SGSM3: variants seen among roughly 807,000 people sequenced by gnomAD.
SGSM3 encodes small G protein signaling modulator 3.
SGSM3 carries 96 observed loss-of-function variants against 100.5 expected under a neutral mutation model. The ratio of observed to expected loss-of-function variants is 0.96; its 90% CI spans 0.81 to 1.13. The LOEUF is 1.13. Ranked by LOEUF, SGSM3 falls within the 50% of genes most tolerant of loss-of-function variation. SGSM3 has a pLI of 0.00. For synonymous variants in SGSM3, 483 were observed against 422.8 expected, an observed-to-expected ratio of 1.14 and a Z score of -1.75; for missense variants, 1,001 against 1,015.8, an observed-to-expected ratio of 0.99 and a Z score of 0.20.
At chr22:40,382,764 G>T (rs1380541357) in intron 1 of SGSM3, among the ~76,000 whole-genome samples, 2 of 152,144 alleles carry the variant, frequency 1.3e-5, no homozygotes, top group South Asian at 4.1e-4. Context: ...GCCCATTTTT[G>T]GAAAATAGGA....
chr22:40,407,003 T>TCACA lies in SGSM3; in HGVS notation c.1186-13_1186-12insACAC, dbSNP rs1380699844. Reference sequence around the variant, plus strand: ...CGGGGCCAGGACCACCCTGACCCACTCCTCTTGGTGCAGGTTGTTCGCCGC... The same window carrying TCACA: ...CGGGGCCAGGACCACCCTGACCCACTCACACCTCTTGGTGCAGGTTGTTCGCCGC... On this transcript the variant is annotated splice_polypyrimidine_tract_variant and intron_variant, in intron 10 of 21. Coordinates refer to ENST00000248929, the MANE Select transcript of SGSM3 (RefSeq NM_015705.6). This position sits in a 1 kb window ranked among gnomAD's most constrained non-coding sequence, Gnocchi z 4.7. 6.4e-7 allele frequency: 1 copy of TCACA among 1,563,816 alleles called. No homozygotes were observed. The highest frequency in any genetic ancestry group is 1.4e-5 in the African/African-American group (1 of 73,672).
At chr22:40,379,477 C>A (rs28676471) in intron 1 of SGSM3, 5,165 of 152,322 alleles carry the variant, frequency 0.034, 134 homozygotes, top group Middle Eastern at 0.061. Context: ...CTGTGTAACA[C>A]AGCTAGTTAA....
intron 1 of SGSM3, chr22:40,376,272 T>A (rs1386756521): frequency 6.9e-6 from 1 of 144,500 alleles, no homozygotes; most frequent in African/African-American, 2.5e-5. Context: ...ACGGCTCTGC[T>A]GCTTGCTTCC....
intron 1 of SGSM3, among the ~76,000 whole-genome samples, chr22:40,375,002 T>C (rs979945255): frequency 2.0e-5 from 3 of 152,224 alleles, no homozygotes; most frequent in African/African-American, 4.8e-5. Context: ...ATGCTACATA[T>C]ATAATCACCT....
intron 20 of SGSM3, 21 bp downstream of exon 20, chr22:40,409,393 G>T (rs1193663739): frequency 9.5e-6 from 15 of 1,581,992 alleles, no homozygotes; most frequent in Middle Eastern, 1.7e-4. Context: ...TACTGGGCTT[G>T]GGGGATGGAG....
In SGSM3 at chr22:40,408,440, G is replaced by C; in HGVS notation, c.1782+11G>C. ...CTGTTTATCGAGGAGGTAAGTCAGT[G>C]GCTGGGCCCATGACCCCCACCCTGC... is the stretch of plus-strand genomic sequence containing the variant. On this transcript the variant is annotated intron_variant, in intron 16 of 21. Coordinates refer to ENST00000248929, the MANE Select transcript of SGSM3 (RefSeq NM_015705.6). 6.2e-7 allele frequency: 1 copy of C among 1,613,310 alleles called. No individual in the cohort carries two copies. Among genetic ancestry groups the C allele is most frequent in the Non-Finnish European group, 8.5e-7 (1 of 1,179,908 alleles).
chr22:40,405,990 C>T, intron 8 of SGSM3, 88 bp from the exon 9 acceptor site: 1 of 1,533,016 alleles, frequency 6.5e-7, no homozygotes, highest in Non-Finnish European at 8.9e-7. Flanking sequence ...CCCTCCTTTG[C>T]TCTTAAGCAG....
Position 40,407,991 on chromosome 22 carries a change from G to T in SGSM3, c.1580-80G>T, listed in dbSNP as rs1233567241. 5 of 1,521,612 alleles carry T rather than the reference G, an allele frequency of 3.3e-6. No homozygotes were observed. The highest frequency in any genetic ancestry group is 4.5e-6 in the Non-Finnish European group (5 of 1,110,896). 94.3% of individuals were successfully genotyped at this position (1,521,612 alleles called of 1,614,324 possible). ...GAAGCAGCTGAGCCGGCTTCCCACT[G>T]CCTCAGCCTGCCTGCAGGCTGTGTC... On this transcript the variant is annotated intron_variant, in intron 14 of 21. Coordinates refer to ENST00000248929, the MANE Select transcript of SGSM3 (RefSeq NM_015705.6). The surrounding 1 kb of genome is among the most constrained non-coding windows in gnomAD (Gnocchi z 4.7).
chr22:40,405,512 A>T, intron 7 of SGSM3, 137 bp from the exon 8 acceptor site: 1 of 908,536 alleles, frequency 1.1e-6, no homozygotes, highest in Non-Finnish European at 1.7e-6. Flanking sequence ...CAAGGAAAGC[A>T]GCCCAGGGAA....
At chr22:40,386,754 G>T (rs1258382794) in intron 1 of SGSM3, among the ~76,000 whole-genome samples, 1 of 151,382 alleles carries the variant, frequency 6.6e-6, no homozygotes, top group Non-Finnish European at 1.5e-5. Flanking sequence ...TATGAGAGAT[G>T]AACCCAAAGG....
At chr22:40,399,652 C>T (rs550111840) in intron 1 of SGSM3, among the ~76,000 whole-genome samples, 4 of 152,216 alleles carry the variant, frequency 2.6e-5, no homozygotes, top group Non-Finnish European at 5.9e-5. Flanking sequence ...AATATGTAAT[C>T]ATCCAGCTCA....
At chr22:40,389,242 CTG>C in intron 1 of SGSM3, among the ~76,000 whole-genome samples, 1 of 152,258 alleles carries the variant, frequency 6.6e-6, no homozygotes, top group East Asian at 1.9e-4. Flanking sequence ...CCCAGAGAGA[CTG>C]TGTGTTAAGG....
At chr22:40,386,562 CTTTTTTTTTTTTT>C (rs60319316) in intron 1 of SGSM3, among the ~76,000 whole-genome samples, 2 of 68,368 alleles carry the variant, frequency 2.9e-5, no homozygotes, top group African/African-American at 1.1e-4. Flanking sequence ...AATTTTCTTA[CTTTTTTTTTTTTT>C]TTTTTTTTTT....
intron 7 of SGSM3, 151 bp downstream of exon 7, chr22:40,405,435 G>A: frequency 1.1e-6 from 1 of 912,734 alleles, no homozygotes; most frequent in Non-Finnish European, 1.6e-6. Context: ...CGTCCCCAAG[G>A]AGATCGGGGC....
At chr22:40,393,653 C>T (rs1306930140) in intron 1 of SGSM3, among the ~76,000 whole-genome samples, 1 of 152,214 alleles carries the variant, frequency 6.6e-6, no homozygotes, top group Non-Finnish European at 1.5e-5. Context: ...TTTTGTGCTG[C>T]TGTAACAGAA....
In SGSM3 at chr22:40,405,783, G is replaced by C. The variant is rs141654422; in HGVS notation, c.753G>C (p.Leu251=). ...LLGVQTDQRV[L]RHLIVQYLPR... ...GTGTCCAGACTGACCAGCGGGTCCTGCGCCACCTCATTGTCCAGTACCTGC... is the reference window on the plus strand; with the variant it reads ...GTGTCCAGACTGACCAGCGGGTCCTCCGCCACCTCATTGTCCAGTACCTGC... Residue 251 remains leucine, a synonymous_variant, in exon 8 of 22, where the codon CTG becomes CTC. Coordinates refer to ENST00000248929, the MANE Select transcript of SGSM3 (RefSeq NM_015705.6). The C allele has an allele frequency of 1.9e-3, 3,017 of 1,613,666 alleles. 93 individuals are homozygous for C. The Admixed American group carries it at 0.047, about 25-fold the overall frequency.
intron 1 of SGSM3, chr22:40,387,530 T>C (rs1286192024): frequency 4.1e-6 from 1 of 244,112 alleles, no homozygotes; most frequent in Non-Finnish European, 7.8e-6. Context: ...AATATAAATG[T>C]CTCAGTGGCC....
chr22:40,406,054 C>T (rs751506872), intron 8 of SGSM3, 24 bp from the exon 9 acceptor site: 19 of 1,606,370 alleles, frequency 1.2e-5, no homozygotes, highest in South Asian at 2.2e-5. Flanking sequence ...TCCTCCCCAG[C>T]GGCTTTGGCT....
chr22:40,380,023 T>A (rs1785513785), intron 1 of SGSM3, among the ~76,000 whole-genome samples: 1 of 152,184 alleles, frequency 6.6e-6, no homozygotes, highest in African/African-American at 2.4e-5. Context: ...GTTTCTCTTA[T>A]TAACTGGCCT....
Sources: gnomAD v4.1 joint callset for allele counts (sites outside exome capture counted in the v4.1 genomes callset) on GRCh38, gnomAD v4.1.1 for gene constraint, Gnocchi (gnomAD v3.1) non-coding constraint, MANE v1.5 for transcripts, NCBI Gene and HGNC (gene_info 2026-07-23, HGNC 2026-07-21) for gene names.